Variants in PKHD1 observed in about 807,000 individuals in gnomAD.
PKHD1 encodes the protein fibrocystin.
Under a neutral mutation model 412.0 loss-of-function variants are expected in PKHD1, and 291 were observed. That is an observed-to-expected ratio of 0.71 (90% CI 0.64 to 0.78). The LOEUF is 0.78. PKHD1 is among the 30% of genes least tolerant of loss of function. The pLI is 0.00. For synonymous variants in PKHD1, 1,777 were observed against 1,821.5 expected (o/e 0.98, Z 0.62); for missense variants, 4,825 against 4,950.7 (o/e 0.97, Z 0.76).
chr6:51,727,908 G>T (rs1272384248), intron 60 of PKHD1, among the ~76,000 whole-genome samples: 2 of 152,152 alleles, frequency 1.3e-5, no homozygotes, highest in African/African-American at 4.8e-5. Flanking sequence ...CTAGTGGGTA[G>T]GGGAGAGCCC....
rs1777193697 is a variant in PKHD1, at chr6:51,684,775, G to C, written c.10157-24806C>G. On this transcript the variant is annotated intron_variant, in intron 60 of 66. Transcript: ENST00000371117. ...TGCATGCCAAGAAACAAAATCAGAA[G>C]GTACAAGCAGCTGGTTTGACCTTTG... 2.6e-5 allele frequency among the ~76,000 whole-genome samples: 4 copies of C among 152,096 alleles called. No individual in the cohort carries two copies. The South Asian group carries it at 8.3e-4, about 32-fold the overall frequency.
intron 48 of PKHD1, among the ~76,000 whole-genome samples, chr6:51,858,866 C>A (rs1202910811): frequency 1.3e-5 from 2 of 152,126 alleles, no homozygotes; most frequent in Non-Finnish European, 2.9e-5. Flanking sequence ...CAAGAGATTT[C>A]CTGCAAACTT....
At chr6:51,626,901 C>G (rs986218489) in intron 66 of PKHD1, 96 bp downstream of exon 66, 21 of 1,364,932 alleles carry the variant, frequency 1.5e-5, no homozygotes, top group Non-Finnish European at 2.0e-5. Flanking sequence ...GGGCTATAAA[C>G]CAAATTGCTT....
At chr6:51,970,960 A>G (rs1793585526) in intron 35 of PKHD1, among the ~76,000 whole-genome samples, 4 of 152,186 alleles carry the variant, frequency 2.6e-5, no homozygotes, top group Admixed American at 2.0e-4. Context: ...TATGAATTTT[A>G]GGATGGTTCT....
At chr6:51,919,566 G>C (rs571286074) in intron 37 of PKHD1, among the ~76,000 whole-genome samples, 1 of 152,180 alleles carries the variant, frequency 6.6e-6, no homozygotes, top group Non-Finnish European at 1.5e-5. Flanking sequence ...GTAGCATGAT[G>C]CCTCCAGCTT....
At chr6:51,854,422 G>A (rs752020913) in intron 49 of PKHD1, among the ~76,000 whole-genome samples, 2 of 152,124 alleles carry the variant, frequency 1.3e-5, no homozygotes, top group African/African-American at 2.4e-5. Flanking sequence ...ATGAGGAGCA[G>A]GACCCGTTCA....
intron 43 of PKHD1, among the ~76,000 whole-genome samples, chr6:51,892,559 T>C (rs1779274457): frequency 6.6e-6 from 1 of 152,178 alleles, no homozygotes; most frequent in Admixed American, 6.5e-5. Context: ...ATTGACGTAG[T>C]TGAGAAACCT....
chr6:51,977,248 TC>T (rs1180184644), intron 35 of PKHD1, among the ~76,000 whole-genome samples: 3 of 152,200 alleles, frequency 2.0e-5, no homozygotes, highest in Non-Finnish European at 4.4e-5. Flanking sequence ...TATGCTTCCC[TC>T]ATTGCTCTGT....
intron 64 of PKHD1, among the ~76,000 whole-genome samples, chr6:51,635,357 A>G (rs1429637544): frequency 5.9e-5 from 9 of 152,216 alleles, no homozygotes; most frequent in African/African-American, 1.9e-4. Context: ...TCTAAATCCA[A>G]GGGTGGAGAC....
chr6:51,633,448 C>A (rs1031480631), intron 64 of PKHD1, among the ~76,000 whole-genome samples: 1 of 152,054 alleles, frequency 6.6e-6, no homozygotes, highest in African/African-American at 2.4e-5. Context: ...ATTGCAAAAC[C>A]CAGGAACAAC....
At chr6:51,914,187 A>G (rs974825829) in intron 37 of PKHD1, among the ~76,000 whole-genome samples, 1 of 152,146 alleles carries the variant, frequency 6.6e-6, no homozygotes, top group African/African-American at 2.4e-5. Flanking sequence ...TGGCAGAACC[A>G]AGAGTAAAGA....
chr6:51,714,686 G>C (rs1386692359), intron 60 of PKHD1, among the ~76,000 whole-genome samples: 1 of 151,928 alleles, frequency 6.6e-6, no homozygotes, highest in African/African-American at 2.4e-5. Context: ...CTACCATATT[G>C]GATAGAACCA....
At chr6:51,764,095 C>T (rs1338512149) in intron 55 of PKHD1, among the ~76,000 whole-genome samples, 2 of 125,542 alleles carry the variant, frequency 1.6e-5, no homozygotes, top group Non-Finnish European at 3.3e-5. Flanking sequence ...TGCTATCCCT[C>T]CCCCCTCCCC....
At chr6:51,868,238 A>G in intron 47 of PKHD1, 129 bp from the exon 48 acceptor site, 1 of 892,292 alleles carries the variant, frequency 1.1e-6, no homozygotes, top group Non-Finnish European at 1.8e-6. Context: ...CATGCAAGAA[A>G]AAAAGTGTTT....
intron 60 of PKHD1, among the ~76,000 whole-genome samples, chr6:51,661,918 C>A (rs1181296140): frequency 1.3e-5 from 2 of 151,850 alleles, no homozygotes; most frequent in Non-Finnish European, 1.5e-5. Context: ...CTATATTCTT[C>A]CATCCATATG....
At chr6:51,778,909 T>C (rs770730317) in intron 53 of PKHD1, among the ~76,000 whole-genome samples, 1 of 152,136 alleles carries the variant, frequency 6.6e-6, no homozygotes, top group Admixed American at 6.6e-5. Flanking sequence ...CCAGCATTTA[T>C]GTTTTACCTT....
chr6:52,050,607 T>C (rs1434132096), intron 21 of PKHD1, among the ~76,000 whole-genome samples: 1 of 152,182 alleles, frequency 6.6e-6, no homozygotes, highest in Admixed American at 6.5e-5. Context: ...ACAGTTAATC[T>C]ATTGCAGTAT....
rs372573190 is a variant in PKHD1 at position 51,903,985 on chromosome 6, C to T, written c.6865+1G>A. 3.2e-6 allele frequency: 5 copies of T among 1,559,242 alleles called. No individual in the cohort carries two copies. Among genetic ancestry groups the T allele is most frequent in the African/African-American group, 2.7e-5 (2 of 73,610 alleles). ...GATTTAAAATCAATTTACATATTTA[C>T]CATCTTTCCTTCCATGAATTGCCTC... On this transcript the variant is annotated splice_donor_variant, in intron 42 of 66. Coordinates refer to ENST00000371117, the MANE Select transcript of PKHD1 (RefSeq NM_138694.4). LOFTEE classifies it high-confidence loss of function.
At chr6:51,741,650 G>A (rs957776300) in intron 60 of PKHD1, among the ~76,000 whole-genome samples, 10 of 152,132 alleles carry the variant, frequency 6.6e-5, no homozygotes, top group Admixed American at 3.3e-4. Context: ...AGACTTGAGC[G>A]CCAGCTTCCA....
Sources: allele counts gnomAD v4.1 joint callset (sites outside exome capture counted in the v4.1 genomes callset), GRCh38; gene constraint gnomAD v4.1.1; transcripts MANE v1.5; gene names NCBI Gene and HGNC (gene_info 2026-07-23, HGNC 2026-07-21).